The following SYT9 variants were observed in gnomAD, a reference collection of about 807,000 sequenced individuals.
SYT9 encodes the protein synaptotagmin 9, also known as synaptotagmin-9.
Under a neutral mutation model 48.4 loss-of-function variants are expected in SYT9, and 22 were observed. The observed-to-expected ratio is 0.45, with a 90% CI of 0.32 to 0.65. The LOEUF (loss-of-function observed/expected upper bound fraction) is 0.65, where lower values mean the gene tolerates loss of function less well. Ranked by LOEUF, SYT9 falls within the 30% of genes least tolerant of loss-of-function variation. SYT9 has a pLI of 0.03. For synonymous variants in SYT9, 265 were observed against 245.0 expected, an observed-to-expected ratio of 1.08 and a Z score of -0.76; for missense variants, 577 against 622.0, an observed-to-expected ratio of 0.93 and a Z score of 0.77.
intron 3 of SYT9, among the ~76,000 whole-genome samples, chr11:7,333,306 G>A (rs186739059): frequency 3.3e-5 from 5 of 152,294 alleles, no homozygotes; most frequent in Admixed American, 3.3e-4. Flanking sequence ...ACTCAGCTAT[G>A]TGGAGAATCT....
At chr11:7,298,238 G>C (rs1848849082) in intron 1 of SYT9, among the ~76,000 whole-genome samples, 2 of 151,958 alleles carry the variant, frequency 1.3e-5, no homozygotes, top group African/African-American at 4.8e-5. Flanking sequence ...CTACGTTCAG[G>C]TACCTGTTCC....
chr11:7,276,745 A>G lies in SYT9; in HGVS notation c.145+24414A>G, dbSNP rs192979575. Among the ~76,000 whole-genome samples, 252 of 152,214 alleles carry G rather than the reference A, an allele frequency of 1.7e-3. 3 individuals are homozygous for G. Among genetic ancestry groups the G allele is most frequent in the Middle Eastern group, 0.01 (3 of 294 alleles). On this transcript the variant is annotated intron_variant, in intron 1 of 6. Transcript: ENST00000318881. ...TTGCATTTTCCTTAGCACTGTACCT[A>G]TACTTAAAACATTATCTGCCAGCCA...
At chr11:7,297,377 G>A (rs567941969) in intron 1 of SYT9, among the ~76,000 whole-genome samples, 167 of 152,282 alleles carry the variant, frequency 1.1e-3, no homozygotes, top group African/African-American at 3.7e-3. Context: ...TACCTATAAT[G>A]TGAAGCAAAT....
intron 3 of SYT9, among the ~76,000 whole-genome samples, chr11:7,374,261 T>C (rs1850414737): frequency 6.6e-6 from 1 of 152,242 alleles, no homozygotes; most frequent in South Asian, 2.1e-4. Flanking sequence ...TCATTCTTTT[T>C]TATGGATATG....
intron 1 of SYT9, among the ~76,000 whole-genome samples, chr11:7,256,642 G>A (rs1847975960): frequency 6.6e-6 from 1 of 152,170 alleles, no homozygotes; most frequent in African/African-American, 2.4e-5. Context: ...TCTCTCTTCT[G>A]TACTTGTATG....
At chr11:7,400,486 TAGTC>T (rs1454844494) in intron 3 of SYT9, among the ~76,000 whole-genome samples, 1 of 152,124 alleles carries the variant, frequency 6.6e-6, no homozygotes, top group Non-Finnish European at 1.5e-5. Context: ...AATGGTGAAA[TAGTC>T]AAACAGTTCT....
intron 3 of SYT9, among the ~76,000 whole-genome samples, chr11:7,370,045 C>T (rs1238644731): frequency 6.6e-6 from 1 of 151,958 alleles, no homozygotes; most frequent in African/African-American, 2.4e-5. Context: ...CTATCGCTCA[C>T]CCCACTCCCA....
Position 7,335,095 on chromosome 11 carries a change from A to T in SYT9, c.1044+21154A>T, listed in dbSNP as rs78252277. Among the ~76,000 whole-genome samples, 225 of 152,314 alleles carry T rather than the reference A, an allele frequency of 1.5e-3. 1 individual carries two copies. The highest frequency in any genetic ancestry group is 5.2e-3 in the African/African-American group (217 of 41,572). ...GTATCATTTTACATTTACACCAGCT[A>T]TGAACTGTGAAAGTTCTAGTTGCTC... On this transcript the variant is annotated intron_variant, in intron 3 of 6. Coordinates refer to ENST00000318881, the MANE Select transcript of SYT9 (RefSeq NM_175733.4).
chr11:7,422,739 GT>G (rs1166222814), intron 6 of SYT9, among the ~76,000 whole-genome samples: 1 of 152,168 alleles, frequency 6.6e-6, no homozygotes, highest in East Asian at 1.9e-4. Flanking sequence ...TGCACAAGCA[GT>G]TTTTTTTCAG....
At chr11:7,432,930 A>C (rs1333371890) in intron 6 of SYT9, among the ~76,000 whole-genome samples, 1 of 151,946 alleles carries the variant, frequency 6.6e-6, no homozygotes, top group Non-Finnish European at 1.5e-5. Context: ...AGAACATGAG[A>C]TTTGGGAGGG....
chr11:7,390,266 T>G (rs1850738233), intron 3 of SYT9, among the ~76,000 whole-genome samples: 1 of 152,140 alleles, frequency 6.6e-6, no homozygotes, highest in Admixed American at 6.6e-5. Flanking sequence ...TAGTGGTGGT[T>G]TCCAGCTTCA....
At chr11:7,455,730 G>C (rs1366316860) in intron 6 of SYT9, among the ~76,000 whole-genome samples, 1 of 152,158 alleles carries the variant, frequency 6.6e-6, no homozygotes, top group African/African-American at 2.4e-5. Context: ...TGAAGGTCCT[G>C]GGAAAGGGGT....
intron 1 of SYT9, among the ~76,000 whole-genome samples, chr11:7,302,637 G>T (rs1306149747): frequency 6.6e-6 from 1 of 152,166 alleles, no homozygotes; most frequent in African/African-American, 2.4e-5. Context: ...ACAGCTCTCT[G>T]AGATGACAGA....
chr11:7,239,294 A>G (rs1209755691), intron 1 of SYT9, among the ~76,000 whole-genome samples: 1 of 152,154 alleles, frequency 6.6e-6, no homozygotes, highest in Non-Finnish European at 1.5e-5. Flanking sequence ...CCACTGTTCT[A>G]GAGCACTCAA....
At chr11:7,430,926 TA>T (rs2134118144) in intron 6 of SYT9, among the ~76,000 whole-genome samples, 1 of 152,330 alleles carries the variant, frequency 6.6e-6, no homozygotes, top group South Asian at 2.1e-4. Flanking sequence ...TATTTCTTTA[TA>T]GCAATGCAAG....
intron 6 of SYT9, among the ~76,000 whole-genome samples, chr11:7,432,577 AAAAAAATATATATACATATATATATAT>A (rs1197686020): frequency 0.011 from 103 of 9,140 alleles, 2 homozygotes; most frequent in South Asian, 0.045. Flanking sequence ...AAAAAAAAAA[AAAAAAATATATATACATATATATATAT>A]ATATATATAT....
intron 3 of SYT9, among the ~76,000 whole-genome samples, chr11:7,328,073 TAAA>T (rs1212912952): frequency 1.0e-4 from 1 of 9,704 alleles, no homozygotes; most frequent in Non-Finnish European, 3.3e-3. Flanking sequence ...AAAGTATAAT[TAAA>T]AATAATAATA....
At chr11:7,422,024 G>T (rs76197191) in intron 6 of SYT9, among the ~76,000 whole-genome samples, 1 of 152,298 alleles carries the variant, frequency 6.6e-6, no homozygotes, top group Non-Finnish European at 1.5e-5. Flanking sequence ...CTGAGGATGC[G>T]TGGGTTCCAG....
chr11:7,421,581 A>T (rs1401710560), intron 6 of SYT9, among the ~76,000 whole-genome samples: 1 of 152,166 alleles, frequency 6.6e-6, no homozygotes, highest in Non-Finnish European at 1.5e-5. Flanking sequence ...TCTGCCACTC[A>T]CATCCTCATT....
Sources: gnomAD v4.1 joint callset for allele counts (sites outside exome capture counted in the v4.1 genomes callset) on GRCh38, gnomAD v4.1.1 for gene constraint, MANE v1.5 for transcripts, NCBI Gene and HGNC (gene_info 2026-07-23, HGNC 2026-07-21) for gene names.